XKR9: variants seen among roughly 807,000 people sequenced by gnomAD.
The protein encoded by XKR9 is XK-related protein 9.
A neutral mutation model predicts 32.0 loss-of-function variants in XKR9; 32 were observed. That is an observed-to-expected ratio of 1.00 (90% confidence interval 0.76 to 1.34). The LOEUF is 1.34. XKR9 is among the 40% of genes most tolerant of loss of function. The pLI is 0.00. For synonymous variants in XKR9, 168 were observed against 143.4 expected (o/e 1.17, Z -1.22); for missense variants, 546 against 429.7 (o/e 1.27, Z -2.39).
intron 2 of XKR9, among the ~76,000 whole-genome samples, chr8:70,763,284 C>A (rs1369604834): frequency 6.6e-6 from 1 of 152,262 alleles, no homozygotes; most frequent in Admixed American, 6.5e-5. Context: ...GAAAAAATAT[C>A]GTGAGGCAGT....
chr8:70,803,604 T>C, the XKR9 span, among the ~76,000 whole-genome samples: 1 of 152,176 alleles, frequency 6.6e-6, no homozygotes. Flanking sequence ...TTGGATGAGT[T>C]TTTTTGCTTT....
the XKR9 span, among the ~76,000 whole-genome samples, chr8:70,805,822 C>A: frequency 6.6e-6 from 1 of 152,170 alleles, no homozygotes; most frequent in African/African-American, 2.4e-5. Context: ...AGCCTTTCCT[C>A]CTGGTAGTTC....
At chr8:70,858,222 G>C in the XKR9 span, among the ~76,000 whole-genome samples, 1 of 152,076 alleles carries the variant, frequency 6.6e-6, no homozygotes, top group Non-Finnish European at 1.5e-5. Flanking sequence ...AAACCCCATC[G>C]TCTCATCCCA....
At chr8:70,710,177 A>G (rs1380902211) in intron 4 of XKR9, among the ~76,000 whole-genome samples, 2 of 152,174 alleles carry the variant, frequency 1.3e-5, no homozygotes, top group East Asian at 1.9e-4. Context: ...GTCGACAGTA[A>G]CAAGCAACAG....
chr8:70,895,568 T>C, the XKR9 span, among the ~76,000 whole-genome samples: 2 of 152,212 alleles, frequency 1.3e-5, no homozygotes, highest in Non-Finnish European at 2.9e-5. Context: ...TAAATAGATA[T>C]GCTGAAAAAG....
At chr8:71,005,219 C>CTTTTTTTT in the XKR9 span, among the ~76,000 whole-genome samples, 1 of 116,540 alleles carries the variant, frequency 8.6e-6, no homozygotes, top group Non-Finnish European at 2.0e-5. Context: ...TTTTTCTTTT[C>CTTTTTTTT]TTTTTCTTTT....
chr8:70,799,249 T>C, the XKR9 span, among the ~76,000 whole-genome samples: 11 of 152,198 alleles, frequency 7.2e-5, no homozygotes, highest in African/African-American at 2.7e-4. Flanking sequence ...GTAATTCTTA[T>C]TGTAGAGATT....
intron 2 of XKR9, among the ~76,000 whole-genome samples, chr8:70,781,282 TGA>T: frequency 6.6e-6 from 1 of 151,672 alleles, no homozygotes; most frequent in East Asian, 1.9e-4. Flanking sequence ...GTCTCTTTAT[TGA>T]TGAATTGTAA....
the XKR9 span, among the ~76,000 whole-genome samples, chr8:70,940,167 T>C: frequency 6.6e-6 from 1 of 152,032 alleles, no homozygotes; most frequent in East Asian, 1.9e-4. Context: ...AATCTTTTCC[T>C]CCTTACCCCC....
the XKR9 span, among the ~76,000 whole-genome samples, chr8:70,870,471 T>C: frequency 6.6e-6 from 1 of 152,208 alleles, no homozygotes; most frequent in African/African-American, 2.4e-5. Context: ...GCCTATTCTA[T>C]TGGTGGGACT....
the XKR9 span, among the ~76,000 whole-genome samples, chr8:71,010,746 A>G: frequency 2.2e-3 from 330 of 152,252 alleles, 1 homozygote; most frequent in African/African-American, 7.6e-3. Context: ...AAAATCAAAC[A>G]ATCAGTCTTC....
chr8:70,740,712 G>A (rs1806957098), downstream of XKR9, among the ~76,000 whole-genome samples: 1 of 152,204 alleles, frequency 6.6e-6, no homozygotes, highest in Non-Finnish European at 1.5e-5. Context: ...CAGGTCTGTT[G>A]GAGTTTGCTA....
chr8:71,065,495 G>T, the XKR9 span, among the ~76,000 whole-genome samples: 2 of 152,220 alleles, frequency 1.3e-5, no homozygotes, highest in South Asian at 2.1e-4. Context: ...AACATGTGTT[G>T]TTTAAGCCAC....
the XKR9 span, among the ~76,000 whole-genome samples, chr8:70,835,828 A>T: frequency 1.5e-4 from 23 of 152,202 alleles, no homozygotes; most frequent in South Asian, 3.9e-3. Context: ...GATTCTAGAG[A>T]AGATTCCTGC....
At chr8:70,985,428 G>A in the XKR9 span, among the ~76,000 whole-genome samples, 1 of 152,138 alleles carries the variant, frequency 6.6e-6, no homozygotes, top group African/African-American at 2.4e-5. Context: ...CATTTGGGTT[G>A]GTTCCAATCT....
chr8:70,847,380 A>G, the XKR9 span, among the ~76,000 whole-genome samples: 2 of 151,976 alleles, frequency 1.3e-5, no homozygotes, highest in Non-Finnish European at 2.9e-5. Flanking sequence ...AATACCTACA[A>G]CAAGAAAGTA....
the XKR9 span, among the ~76,000 whole-genome samples, chr8:70,837,984 G>T: frequency 6.6e-6 from 1 of 151,858 alleles, no homozygotes; most frequent in African/African-American, 2.4e-5. Flanking sequence ...TCTACTTAAG[G>T]CTTGAAATCT....
intron 2 of XKR9, among the ~76,000 whole-genome samples, chr8:70,782,527 A>G (rs1331901143): frequency 1.3e-5 from 2 of 151,888 alleles, no homozygotes; most frequent in Non-Finnish European, 2.9e-5. Context: ...TTTGACCATA[A>G]TCTTATTCCT....
At chr8:70,816,905 T>G in the XKR9 span, among the ~76,000 whole-genome samples, 2 of 152,240 alleles carry the variant, frequency 1.3e-5, no homozygotes, top group South Asian at 2.1e-4. Flanking sequence ...AGAAAAAGCT[T>G]TTAATAAAAT....
Sources: gnomAD v4.1 joint callset for allele counts (sites outside exome capture counted in the v4.1 genomes callset) on GRCh38, gnomAD v4.1.1 for gene constraint, MANE v1.5 for transcripts, NCBI Gene and HGNC (gene_info 2026-07-23, HGNC 2026-07-21) for gene names.